MYO18B: variants seen among roughly 807,000 people sequenced by gnomAD.
MYO18B encodes myosin XVIIIB, also known as unconventional myosin-XVIIIb.
A neutral mutation model predicts 273.0 loss-of-function variants in MYO18B; 204 were observed. That is an observed-to-expected ratio of 0.75 (90% confidence interval 0.67 to 0.84). The LOEUF (loss-of-function observed/expected upper bound fraction) is 0.84, where lower values mean the gene tolerates loss of function less well. MYO18B is among the 40% of genes least tolerant of loss of function. The pLI is 0.00. For missense variants in MYO18B, 3,212 were observed against 3,287.6 expected, an observed-to-expected ratio of 0.98 and a Z score of 0.56; for synonymous variants, 1,330 against 1,305.7, an observed-to-expected ratio of 1.02 and a Z score of -0.40.
chr22:26,006,843 C>T (rs1005766197), intron 42 of MYO18B, among the ~76,000 whole-genome samples: 6 of 152,182 alleles, frequency 3.9e-5, no homozygotes, highest in African/African-American at 1.4e-4. Flanking sequence ...TTATCAGCAG[C>T]AGTAACTATT....
At chr22:25,852,395 T>G (rs375375272) in intron 21 of MYO18B, among the ~76,000 whole-genome samples, 2 of 150,644 alleles carry the variant, frequency 1.3e-5, no homozygotes, top group African/African-American at 4.9e-5. Flanking sequence ...TTTGTTGAGT[T>G]AATGAATGAA....
In MYO18B at chr22:25,753,149, G is replaced by T. The variant is rs181668753; in HGVS notation, c.-109-7835G>T. Among the ~76,000 whole-genome samples, 183 of 150,928 alleles carry T rather than the reference G, an allele frequency of 1.2e-3. 1 individual carries two copies. The South Asian group carries it at 0.021, about 17-fold the overall frequency. On this transcript the variant is annotated intron_variant, in intron 1 of 43. Coordinates refer to ENST00000335473, the MANE Select transcript of MYO18B (RefSeq NM_032608.7). Reference sequence around the variant, plus strand: ...ACCGCGTCCCATGGACTGCCCAAGCGCTGATCAGTGCGGGAAGCTCAGCCC... The same window carrying T: ...ACCGCGTCCCATGGACTGCCCAAGCTCTGATCAGTGCGGGAAGCTCAGCCC...
intron 17 of MYO18B, among the ~76,000 whole-genome samples, chr22:25,839,938 G>C (rs945679027): frequency 9.2e-5 from 14 of 152,282 alleles, no homozygotes; most frequent in African/African-American, 3.1e-4. Flanking sequence ...GGATGGAGGT[G>C]CTGTTTGCAC....
chr22:25,764,415 C>G (rs133892), intron 3 of MYO18B, among the ~76,000 whole-genome samples: 56 of 152,142 alleles, frequency 3.7e-4, no homozygotes, highest in African/African-American at 1.3e-3. Flanking sequence ...TCCAGCGCCC[C>G]CTTCAGACAA....
In MYO18B at chr22:25,845,359, A is replaced by G. The variant is rs5996987; in HGVS notation, c.3369-741A>G. Among the ~76,000 whole-genome samples the G allele has an allele frequency of 2.6e-5, 4 of 152,170 alleles. No individual in the cohort carries two copies. The East Asian group carries it at 7.7e-4, about 29-fold the overall frequency. ...TGGTGAAACCCTGTCTCTACTAAAA[A>G]CACAAAAATTAGCTGGGCCTGGTGG... On this transcript the variant is annotated intron_variant, in intron 18 of 43. Coordinates refer to ENST00000335473, the MANE Select transcript of MYO18B (RefSeq NM_032608.7).
In MYO18B at chr22:25,902,596, T is replaced by A. The variant is rs779166439; in HGVS notation, c.4824-17T>A. The A allele has an allele frequency of 6.2e-7, 1 of 1,603,974 alleles. No individual in the cohort carries two copies. Among genetic ancestry groups the A allele is most frequent in the East Asian group, 2.2e-5 (1 of 44,572 alleles). Reference sequence around the variant, plus strand: ...CACCTGCCTACGGGGCCCTGACACGTGCTCTGCTTTGCACAGGTTTGACCT... The same window carrying A: ...CACCTGCCTACGGGGCCCTGACACGAGCTCTGCTTTGCACAGGTTTGACCT... On this transcript the variant is annotated splice_polypyrimidine_tract_variant and intron_variant, in intron 29 of 43. Transcript: ENST00000335473.
At chr22:25,823,168 G>A (rs2089347586) in intron 12 of MYO18B, among the ~76,000 whole-genome samples, 1 of 152,156 alleles carries the variant, frequency 6.6e-6, no homozygotes, top group Non-Finnish European at 1.5e-5. Flanking sequence ...GCCTGGATGG[G>A]TAGGTAAATG....
rs9620563 is a variant in MYO18B, at chr22:25,863,017, C to T, written c.3886-5303C>T. ...ATTTTTCCTCCTTCCTATTTCTCTC[C>T]GTTCTTCAAATTGGATAGTTTCTAT... On this transcript the variant is annotated intron_variant, in intron 21 of 43. Coordinates refer to ENST00000335473, the MANE Select transcript of MYO18B (RefSeq NM_032608.7). Among the ~76,000 whole-genome samples, 974 of 152,132 alleles carry T rather than the reference C, an allele frequency of 6.4e-3. 11 individuals are homozygous for T. The highest frequency in any genetic ancestry group is 0.022 in the African/African-American group (930 of 41,498).
intron 11 of MYO18B, among the ~76,000 whole-genome samples, chr22:25,790,194 C>G (rs2087600190): frequency 1.3e-5 from 2 of 152,200 alleles, no homozygotes; most frequent in Admixed American, 6.5e-5. Context: ...TTTTTAATGA[C>G]CAGACATTCA....
intron 17 of MYO18B, among the ~76,000 whole-genome samples, chr22:25,839,192 TTGTATATGTGTGCACGTG>T (rs1343832201): frequency 1.3e-5 from 2 of 151,394 alleles, no homozygotes; most frequent in Non-Finnish European, 2.9e-5. Context: ...ATGAGTGTGT[TTGTATATGTGTGCACGTG>T]TGTATATGTG....
chr22:26,057,765 G>T, the MYO18B span, among the ~76,000 whole-genome samples: 2 of 152,106 alleles, frequency 1.3e-5, no homozygotes, highest in Non-Finnish European at 2.9e-5. Flanking sequence ...CTAGAAACTT[G>T]CTCAGTATCA....
chr22:25,868,390 G>C lies in MYO18B; in HGVS notation c.3951+5G>C. 3 of 1,589,206 alleles carry C rather than the reference G, an allele frequency of 1.9e-6. No homozygotes were observed. Among genetic ancestry groups the C allele is most frequent in the Non-Finnish European group, 2.6e-6 (3 of 1,167,350 alleles). The stretch of plus-strand genomic sequence containing the variant: ...GTGGCTGTGGGGCACAGCCAAGTGA[G>C]TAGAGCTGCTTTCTTACAACATTCG... On this transcript the variant is annotated splice_donor_5th_base_variant and intron_variant, in intron 22 of 43. Transcript: ENST00000335473.
chr22:25,793,884 A>G (rs1030037129), intron 11 of MYO18B, among the ~76,000 whole-genome samples: 56 of 152,192 alleles, frequency 3.7e-4, no homozygotes, highest in Admixed American at 3.3e-3. Flanking sequence ...AACGTATACT[A>G]ATTTTAAGTG....
intron 33 of MYO18B, among the ~76,000 whole-genome samples, chr22:25,916,994 T>C (rs1163970037): frequency 6.6e-6 from 1 of 152,182 alleles, no homozygotes; most frequent in Non-Finnish European, 1.5e-5. Context: ...ATTGCGCCAC[T>C]GCACTCCAGC....
At chr22:25,926,001 C>G (rs560643622) in intron 34 of MYO18B, among the ~76,000 whole-genome samples, 1 of 148,856 alleles carries the variant, frequency 6.7e-6, no homozygotes, top group East Asian at 2.0e-4. Flanking sequence ...GTCAGGAGAT[C>G]GAGACCAAAC....
At chr22:25,799,177 T>C (rs1173850250) in intron 12 of MYO18B, among the ~76,000 whole-genome samples, 1 of 136,176 alleles carries the variant, frequency 7.3e-6, no homozygotes, top group East Asian at 2.3e-4. Context: ...ATAGGTGCAG[T>C]AGCCTCCTTG....
chr22:26,035,804 G>C (rs529346906), downstream of MYO18B, among the ~76,000 whole-genome samples: 1 of 152,346 alleles, frequency 6.6e-6, no homozygotes, highest in Non-Finnish European at 1.5e-5. Context: ...AGAGGAGTTG[G>C]TCAACAGGCA....
intron 14 of MYO18B, among the ~76,000 whole-genome samples, chr22:25,827,281 C>T (rs2089529661): frequency 6.6e-6 from 1 of 152,182 alleles, no homozygotes; most frequent in African/African-American, 2.4e-5. Flanking sequence ...CTTCTCATGT[C>T]ATACCTTCAG....
Position 25,866,075 on chromosome 22 carries a change from AT to A in MYO18B, c.3886-2235del, listed in dbSNP as rs370105536. 5.3e-4 allele frequency among the ~76,000 whole-genome samples: 80 copies of A among 150,012 alleles called. 3 individuals carry two copies. Among genetic ancestry groups the A allele is most frequent in the Middle Eastern group, 3.4e-3 (1 of 290 alleles). On this transcript the variant is annotated intron_variant, in intron 21 of 43. Transcript: ENST00000335473. ...GTCTGGGACTAGACTATTAATAAGG[AT>A]TTTTTTTTTGATATCTTAGGAAGTT...
Sources: gnomAD v4.1 joint callset for allele counts (sites outside exome capture counted in the v4.1 genomes callset) on GRCh38, gnomAD v4.1.1 for gene constraint, MANE v1.5 for transcripts, NCBI Gene and HGNC (gene_info 2026-07-23, HGNC 2026-07-21) for gene names.